The following DACH1 variants were observed in gnomAD, a reference collection of about 807,000 sequenced individuals.
DACH1 encodes the protein dachshund family transcription factor 1.
Under a neutral mutation model 54.2 loss-of-function variants are expected in DACH1, and 12 were observed. That is an observed-to-expected ratio of 0.22 (90% confidence interval 0.14 to 0.36). DACH1 has a LOEUF of 0.36. Among genes scored for constraint, DACH1 ranks in the 10% least tolerant of loss-of-function variants. DACH1 has a pLI of 1.00. For missense variants in DACH1, 805 were observed against 929.8 expected, an observed-to-expected ratio of 0.87 and a Z score of 1.75; for synonymous variants, 386 against 366.2, an observed-to-expected ratio of 1.05 and a Z score of -0.62.
At chr13:71,861,503 T>G (rs1874350187) in intron 1 of DACH1, among the ~76,000 whole-genome samples, 1 of 152,032 alleles carries the variant, frequency 6.6e-6, no homozygotes, top group African/African-American at 2.4e-5. Context: ...GGTTAGAATA[T>G]TCTTATATTT....
chr13:71,812,322 T>C (rs1270782203), intron 1 of DACH1, among the ~76,000 whole-genome samples: 8 of 152,248 alleles, frequency 5.3e-5, no homozygotes, highest in African/African-American at 1.9e-4. Flanking sequence ...TTTTCATGTC[T>C]ATTTGTTGTC....
intron 3 of DACH1, among the ~76,000 whole-genome samples, chr13:71,621,039 T>TA (rs888307186): frequency 2.0e-5 from 3 of 151,872 alleles, no homozygotes; most frequent in Non-Finnish European, 2.9e-5. Flanking sequence ...TTATAATTTT[T>TA]AAACTTTTAA....
chr13:71,508,387 A>G (rs1200404045), intron 6 of DACH1, among the ~76,000 whole-genome samples: 1 of 152,162 alleles, frequency 6.6e-6, no homozygotes, highest in Non-Finnish European at 1.5e-5. Context: ...GATAATGAAA[A>G]CAAAAGAATA....
intron 3 of DACH1, among the ~76,000 whole-genome samples, chr13:71,602,344 T>G (rs554017252): frequency 6.6e-6 from 1 of 152,170 alleles, no homozygotes; most frequent in Non-Finnish European, 1.5e-5. Context: ...AAAATCTGTG[T>G]GTGTTTTCTT....
intron 5 of DACH1, among the ~76,000 whole-genome samples, chr13:71,559,328 A>G (rs1403356197): frequency 6.6e-6 from 1 of 152,170 alleles, no homozygotes; most frequent in Non-Finnish European, 1.5e-5. Flanking sequence ...TAATCCATTG[A>G]CCACCTGAAT....
In DACH1 at chr13:71,572,821, T is replaced by C. The variant is rs1885297562; in HGVS notation, c.1299+19A>G. Reference sequence around the variant, plus strand: ...CTTAAGATGAACATGCCAAAATAATTGTATAAAAAAAGAATTACCTTAATA... The same window carrying C: ...CTTAAGATGAACATGCCAAAATAATCGTATAAAAAAAGAATTACCTTAATA... On this transcript the variant is annotated intron_variant, in intron 4 of 10. Coordinates refer to ENST00000613252, the MANE Select transcript of DACH1 (RefSeq NM_080759.6). 5 of 1,600,078 alleles carry C rather than the reference T, an allele frequency of 3.1e-6. No homozygotes were observed. The East Asian group carries it at 1.1e-4, about 36-fold the overall frequency.
intron 3 of DACH1, among the ~76,000 whole-genome samples, chr13:71,620,661 GTT>G (rs1381880111): frequency 1.3e-5 from 2 of 151,872 alleles, no homozygotes; most frequent in African/African-American, 4.8e-5. Context: ...AATTTTGTGT[GTT>G]CAGTGTGATG....
At chr13:71,688,901 A>G (rs1881323792) in intron 1 of DACH1, among the ~76,000 whole-genome samples, 1 of 152,234 alleles carries the variant, frequency 6.6e-6, no homozygotes, top group African/African-American at 2.4e-5. Flanking sequence ...GTTTTGTGGA[A>G]GAACTTGACA....
At chr13:71,771,272 T>C (rs1321275493) in intron 1 of DACH1, among the ~76,000 whole-genome samples, 2 of 150,548 alleles carry the variant, frequency 1.3e-5, no homozygotes, top group East Asian at 3.9e-4. Flanking sequence ...AATAATGGAA[T>C]TATGAAGAAG....
intron 1 of DACH1, among the ~76,000 whole-genome samples, chr13:71,795,140 T>C (rs917844045): frequency 2.0e-5 from 3 of 152,180 alleles, no homozygotes; most frequent in Non-Finnish European, 4.4e-5. Context: ...CATATCTAGA[T>C]TTGCTTCTCC....
chr13:71,445,635 T>A (rs780931910), intron 10 of DACH1, among the ~76,000 whole-genome samples: 138 of 152,354 alleles, frequency 9.1e-4, no homozygotes, highest in Non-Finnish European at 1.5e-3. Context: ...AGACTGACTA[T>A]CTTTCTTTCA....
At chr13:71,552,166 C>A (rs543021922) in intron 6 of DACH1, among the ~76,000 whole-genome samples, 3 of 151,950 alleles carry the variant, frequency 2.0e-5, no homozygotes, top group African/African-American at 4.8e-5. Flanking sequence ...ATAATTTTAA[C>A]GAGGAAAGGG....
chr13:71,686,381 G>A (rs765156410), intron 1 of DACH1, among the ~76,000 whole-genome samples: 9 of 152,062 alleles, frequency 5.9e-5, no homozygotes, highest in South Asian at 4.1e-4. Flanking sequence ...TTCCCAACCC[G>A]CCACACACAG....
chr13:71,565,470 TAA>T lies in DACH1; in HGVS notation c.1300-5517_1300-5516del, dbSNP rs144902268. 1.2e-3 allele frequency among the ~76,000 whole-genome samples: 184 copies of T among 152,236 alleles called. 2 individuals carry two copies. In the East Asian group the frequency reaches 0.028, roughly 23 times the overall value. Reference sequence around the variant, plus strand: ...TAGTGAAATGCAACATCATTGACACTAAGAGTGGTGTTCAAATTCCTTTGCTT... The same window carrying T: ...TAGTGAAATGCAACATCATTGACACTGAGTGGTGTTCAAATTCCTTTGCTT... On this transcript the variant is annotated intron_variant, in intron 4 of 10. Transcript: ENST00000613252.
chr13:71,800,011 T>C (rs1351363563), intron 1 of DACH1, among the ~76,000 whole-genome samples: 1 of 152,058 alleles, frequency 6.6e-6, no homozygotes, highest in Non-Finnish European at 1.5e-5. Context: ...GTGAACTCTT[T>C]GGTATTTCCA....
At position 71,564,659 on chromosome 13, in the gene DACH1, C is replaced by T. The variant is rs184080480; in HGVS notation, c.1300-4704G>A. On this transcript the variant is annotated intron_variant, in intron 4 of 10. Transcript: ENST00000613252. ...AAACAGTGTAAAATGTTCAGTACTA[C>T]ACACATGTGATTAAACATTTTAAAA... 1.1e-4 allele frequency among the ~76,000 whole-genome samples: 17 copies of T among 152,202 alleles called. No homozygotes were observed. The East Asian group carries it at 3.3e-3, about 29-fold the overall frequency.
intron 1 of DACH1, among the ~76,000 whole-genome samples, chr13:71,776,203 C>T (rs1169381900): frequency 2.0e-5 from 3 of 152,022 alleles, no homozygotes; most frequent in Non-Finnish European, 4.4e-5. Flanking sequence ...TTAATGGGCA[C>T]AATCTATGAG....
intron 2 of DACH1, chr13:71,675,430 A>G: frequency 1.4e-6 from 2 of 1,447,320 alleles, no homozygotes; most frequent in Non-Finnish European, 1.9e-6. Flanking sequence ...AATTATGCCA[A>G]AAGACATCCA....
intron 1 of DACH1, among the ~76,000 whole-genome samples, chr13:71,798,293 A>C (rs1310884599): frequency 6.9e-6 from 1 of 143,934 alleles, no homozygotes; most frequent in African/African-American, 2.5e-5. Flanking sequence ...TGAACTATGA[A>C]AGATGATTTT....
Sources: allele counts gnomAD v4.1 joint callset (sites outside exome capture counted in the v4.1 genomes callset), GRCh38; gene constraint gnomAD v4.1.1; transcripts MANE v1.5; gene names NCBI Gene and HGNC (gene_info 2026-07-23, HGNC 2026-07-21).